KLF1: variants seen among roughly 807,000 people sequenced by gnomAD.
KLF1 encodes the protein Krueppel-like factor 1.
Under a neutral mutation model 28.0 loss-of-function variants are expected in KLF1, and 29 were observed. That is an observed-to-expected ratio of 1.04 (90% CI 0.77 to 1.41). The LOEUF is 1.41. Ranked by LOEUF, KLF1 falls within the 40% of genes most tolerant of loss-of-function variation. The pLI is 0.00. For synonymous variants in KLF1, 262 were observed against 242.6 expected, an observed-to-expected ratio of 1.08 and a Z score of -0.74; for missense variants, 508 against 515.1, an observed-to-expected ratio of 0.99 and a Z score of 0.13.
In KLF1 at chr19:12,886,092, GGGGTCAGGAGGACCC is replaced by G; in HGVS notation, c.123_137del (p.Gly42_Pro46del). On this transcript the variant is annotated inframe_deletion, in exon 2 of 3. Transcript: ENST00000264834. ...ACTTCACGTGGAGGGGCGGCTCCGT[GGGGTCAGGAGGACCC>G]GGGCCCATGTCCTGCGCCTCTTCGG... 6.2e-7 allele frequency: 1 copy of G among 1,607,104 alleles called. No individual in the cohort carries two copies. Among genetic ancestry groups the G allele is most frequent in the Non-Finnish European group, 8.5e-7 (1 of 1,178,312 alleles).
At chr19:12,886,951 A>C in intron 1 of KLF1, 103 bp downstream of exon 1, 1 of 1,171,428 alleles carries the variant, frequency 8.5e-7, no homozygotes, top group Non-Finnish European at 1.3e-6. Context: ...GTCCTGGTTA[A>C]GTCTCTTGAT....
intron 1 of KLF1, 62 bp downstream of exon 1, chr19:12,886,992 G>T: frequency 6.5e-7 from 1 of 1,528,782 alleles, no homozygotes; most frequent in Non-Finnish European, 9.1e-7. Context: ...TGGACCCCAA[G>T]ATCTGTGACT....
At position 12,884,824 on chromosome 19, in the gene KLF1, A is replaced by T; in HGVS notation, c.*61T>A. 1 of 1,583,502 alleles carries T rather than the reference A, an allele frequency of 6.3e-7. No homozygotes were observed. Among genetic ancestry groups the T allele is most frequent in the Non-Finnish European group, 8.6e-7 (1 of 1,156,932 alleles). ...TCACGCGCGTCCGTGTGAAGAGACC[A>T]CCAAACAGGCTTCTTGTCCCATCCC... On this transcript the variant is annotated 3_prime_UTR_variant, in exon 3 of 3. Coordinates refer to ENST00000264834, the MANE Select transcript of KLF1 (RefSeq NM_006563.5).
chr19:12,886,338 G>T (rs1412266552), intron 1 of KLF1, among the ~76,000 whole-genome samples, 196 bp from the exon 2 acceptor site: 10 of 152,148 alleles, frequency 6.6e-5, no homozygotes, highest in Admixed American at 5.2e-4. Flanking sequence ...GACAGAAACC[G>T]ATCAGGTCTG....
chr19:12,887,151 T>C lies in KLF1; in HGVS notation c.-11A>G. Reference sequence around the variant, plus strand: ...CTCGGCTGTGGCCATGGCTGGCTGGTGCCCACCCTGGGCCTCAAGCCTCCT... The same window carrying C: ...CTCGGCTGTGGCCATGGCTGGCTGGCGCCCACCCTGGGCCTCAAGCCTCCT... On this transcript the variant is annotated 5_prime_UTR_variant, in exon 1 of 3. Transcript: ENST00000264834. The surrounding 1 kb of genome is among the most constrained non-coding windows in gnomAD (Gnocchi z 4.7). The C allele has an allele frequency of 6.2e-7, 1 of 1,613,706 alleles. No individual in the cohort carries two copies. The highest frequency in any genetic ancestry group is 1.1e-5 in the South Asian group (1 of 91,062).
chr19:12,885,463 C>G lies in KLF1; in HGVS notation c.767G>C (p.Gly256Ala), dbSNP rs777573355. ...GGATGGCGCGGTCTCGGCTATCACA[C>G]CTGGATCCTCTGCAGTCCCCCCGAG... is the stretch of plus-strand genomic sequence containing the variant. Reference protein sequence around the residue: ...TGLGGTAEDPGVIAETAPSKR... With the variant: ...TGLGGTAEDPAVIAETAPSKR... Residue 256 changes from glycine (G) to alanine (A), a missense_variant, in exon 2 of 3, where the codon GGT becomes GCT. Gly to Ala is a moderately conservative substitution (Grantham distance 60). Coordinates refer to ENST00000264834, the MANE Select transcript of KLF1 (RefSeq NM_006563.5). The surrounding 1 kb of genome is among the most constrained non-coding windows in gnomAD (Gnocchi z 5.6). 1.2e-6 allele frequency: 2 copies of G among 1,604,544 alleles called. No homozygotes were observed. The highest frequency in any genetic ancestry group is 1.7e-6 in the Non-Finnish European group (2 of 1,176,304).
At position 12,884,927 on chromosome 19, in the gene KLF1, C is replaced by T. The variant is rs1317410013; in HGVS notation, c.1047G>A (p.Ser349=). ...TGTGCAAGGCCAGGTGGTCAGAGCGCGAAAAAGCACGTGGGCAGAGCTGGC... is the reference window on the plus strand; with the variant it reads ...TGTGCAAGGCCAGGTGGTCAGAGCGTGAAAAAGCACGTGGGCAGAGCTGGC... ...FRCQLCPRAF[S]RSDHLALHMK... Residue 349 remains serine (S), a synonymous_variant, in exon 3 of 3, where the codon TCG becomes TCA. Coordinates refer to ENST00000264834, the MANE Select transcript of KLF1 (RefSeq NM_006563.5). The T allele has an allele frequency of 6.2e-7, 1 of 1,613,818 alleles. No homozygotes were observed. Among genetic ancestry groups the T allele is most frequent in the African/African-American group, 1.3e-5 (1 of 74,918 alleles).
Position 12,884,813 on chromosome 19 carries a change from G to A in KLF1, c.*72C>T. Reference sequence around the variant, plus strand: ...CCAGCATTGTGTCACGCGCGTCCGTGTGAAGAGACCACCAAACAGGCTTCT... The same window carrying A: ...CCAGCATTGTGTCACGCGCGTCCGTATGAAGAGACCACCAAACAGGCTTCT... On this transcript the variant is annotated 3_prime_UTR_variant, in exon 3 of 3. Transcript: ENST00000264834. The A allele has an allele frequency of 6.5e-7, 1 of 1,540,488 alleles. No individual in the cohort carries two copies. Among genetic ancestry groups the A allele is most frequent in the South Asian group, 1.1e-5 (1 of 89,676 alleles).
At chr19:12,886,194 C>T in intron 1 of KLF1, 52 bp from the exon 2 acceptor site, 1 of 1,383,746 alleles carries the variant, frequency 7.2e-7, no homozygotes, top group Non-Finnish European at 1.0e-6. Flanking sequence ...GGGTGCCCTG[C>T]CCAGGGACAT....
chr19:12,885,861 C>T lies in KLF1; in HGVS notation c.369G>A (p.Val123=). The part of the protein sequence containing the change: ...LGAYAGGPGL[V]AGLLGSEDHS... Reference sequence around the variant, plus strand: ...GATCCTCCGAACCCAAAAGCCCAGCCACCAGCCCCGGGCCGCCAGCATATG... The same window carrying T: ...GATCCTCCGAACCCAAAAGCCCAGCTACCAGCCCCGGGCCGCCAGCATATG... Residue 123 remains valine (V), a synonymous_variant, in exon 2 of 3, where the codon GTG becomes GTA. Coordinates refer to ENST00000264834, the MANE Select transcript of KLF1 (RefSeq NM_006563.5). This position sits in a 1 kb window ranked among gnomAD's most constrained non-coding sequence, Gnocchi z 5.6. The T allele has an allele frequency of 6.4e-7, 1 of 1,552,086 alleles. No individual in the cohort carries two copies. The highest frequency in any genetic ancestry group is 2.4e-5 in the East Asian group (1 of 40,952).
chr19:12,884,779 G>T lies in KLF1; in HGVS notation c.*106C>A. 1 of 1,318,964 alleles carries T rather than the reference G, an allele frequency of 7.6e-7. No individual in the cohort carries two copies. The highest frequency in any genetic ancestry group is 1.4e-5 in the African/African-American group (1 of 69,236). 81.7% of individuals were successfully genotyped at this position (1,318,964 alleles called of 1,614,324 possible). ...AGTCCAGGAGAGGGTCCATTCGTGG[G>T]AAAACCACCCAGCATTGTGTCACGC... On this transcript the variant is annotated 3_prime_UTR_variant, in exon 3 of 3. Transcript: ENST00000264834.
intron 1 of KLF1, 108 bp from the exon 2 acceptor site, chr19:12,886,250 T>C: frequency 1.3e-6 from 1 of 765,970 alleles, no homozygotes; most frequent in South Asian, 1.8e-5. Context: ...AGGGGTCTTG[T>C]TTGCCTGTCT....
chr19:12,885,104 T>G lies in KLF1; in HGVS notation c.914-44A>C. 1 of 1,593,102 alleles carries G rather than the reference T, an allele frequency of 6.3e-7. No individual in the cohort carries two copies. Among genetic ancestry groups the G allele is most frequent in the Non-Finnish European group, 8.5e-7 (1 of 1,174,234 alleles). On this transcript the variant is annotated intron_variant, in intron 2 of 2. Transcript: ENST00000264834. The surrounding 1 kb of genome is among the most constrained non-coding windows in gnomAD (Gnocchi z 5.6). ...ATAAGCGCCACTGTCTGCCCAGTCATGTCCCCGGGTCCCCTGCATCTGGCC... is the reference window on the plus strand; with the variant it reads ...ATAAGCGCCACTGTCTGCCCAGTCAGGTCCCCGGGTCCCCTGCATCTGGCC...
chr19:12,885,508 G>T lies in KLF1; in HGVS notation c.722C>A (p.Pro241His), dbSNP rs1039605411. Residue 241 changes from proline (P) to histidine (H), a missense_variant, in exon 2 of 3, where the codon CCC becomes CAC. By Grantham distance (77) the Pro-to-His change is moderately conservative. Transcript: ENST00000264834. This position sits in a 1 kb window ranked among gnomAD's most constrained non-coding sequence, Gnocchi z 5.6. ...TSPSFLSCLG[P>H]GTVGTGLGGT... ...CCCGAGTCCAGTGCCCACCGTCCCGGGTCCCAAACAACTCAGGAAGGAGGG... is the reference window on the plus strand; with the variant it reads ...CCCGAGTCCAGTGCCCACCGTCCCGTGTCCCAAACAACTCAGGAAGGAGGG... The T allele has an allele frequency of 6.3e-7, 1 of 1,595,830 alleles. No homozygotes were observed.
chr19:12,885,725 C>A lies in KLF1; in HGVS notation c.505G>T (p.Val169Leu). Residue 169 changes from valine to leucine, a missense_variant, in exon 2 of 3, where the codon GTG becomes TTG. Physicochemically the swap from Val to Leu is conservative, Grantham distance 32. Transcript: ENST00000264834. This position sits in a 1 kb window ranked among gnomAD's most constrained non-coding sequence, Gnocchi z 5.6. ...GAGCCGGCGCCGGGCCCCGGGTACA[C>A]CGGTTGCAGCGCCAGCGCCTTGGGC... ...PEPKALALQP[V>L]YPGPGAGSSG... 1 of 1,512,968 alleles carries A rather than the reference C, an allele frequency of 6.6e-7. No homozygotes were observed. The highest frequency in any genetic ancestry group is 8.8e-7 in the Non-Finnish European group (1 of 1,131,648). 93.7% of individuals were successfully genotyped at this position (1,512,968 alleles called of 1,614,324 possible).
chr19:12,886,313 C>T lies in KLF1; in HGVS notation c.88-171G>A, dbSNP rs374812634. Among the ~76,000 whole-genome samples the T allele has an allele frequency of 4.6e-5, 7 of 152,284 alleles. No homozygotes were observed. The South Asian group carries it at 6.2e-4, about 14-fold the overall frequency. The stretch of plus-strand genomic sequence containing the variant: ...CTCTAACCGCCCCTCTCCCCGCTCC[C>T]CCCCCAGCTCCAGGGACAGAAACCG... On this transcript the variant is annotated intron_variant, in intron 1 of 2. Coordinates refer to ENST00000264834, the MANE Select transcript of KLF1 (RefSeq NM_006563.5).
rs756253580 is a variant in KLF1 at position 12,887,048 on chromosome 19, C to T, written c.87+6G>A. ...GCCCACCTAGACCCCACCTTCTAGGCCCCACCTTGAGGAAGTCATCCTGTG... is the reference window on the plus strand; with the variant it reads ...GCCCACCTAGACCCCACCTTCTAGGTCCCACCTTGAGGAAGTCATCCTGTG... On this transcript the variant is annotated splice_donor_region_variant and intron_variant, in intron 1 of 2. Coordinates refer to ENST00000264834, the MANE Select transcript of KLF1 (RefSeq NM_006563.5). This position sits in a 1 kb window ranked among gnomAD's most constrained non-coding sequence, Gnocchi z 4.7. 3 of 1,614,028 alleles carry T rather than the reference C, an allele frequency of 1.9e-6. No homozygotes were observed. In the East Asian group the frequency reaches 6.7e-5, roughly 36 times the overall value.
At position 12,885,239 on chromosome 19, in the gene KLF1, G is replaced by A; in HGVS notation, c.913+78C>T. ...CAGAGGCCAGCCAAGTCCAAGTCCCGCCCTCTGCAACCCTTCTTCCCCTGT... is the reference window on the plus strand; with the variant it reads ...CAGAGGCCAGCCAAGTCCAAGTCCCACCCTCTGCAACCCTTCTTCCCCTGT... On this transcript the variant is annotated intron_variant, in intron 2 of 2. Transcript: ENST00000264834. This position sits in a 1 kb window ranked among gnomAD's most constrained non-coding sequence, Gnocchi z 5.6. 2 of 1,412,464 alleles carry A rather than the reference G, an allele frequency of 1.4e-6. No individual in the cohort carries two copies. The highest frequency in any genetic ancestry group is 2.5e-5 in the East Asian group (1 of 40,136). 87.5% of individuals were successfully genotyped at this position (1,412,464 alleles called of 1,614,324 possible).
rs1284640048 is a variant in KLF1 at position 12,885,433 on chromosome 19, C to G, written c.797G>C (p.Arg266Pro). ...CTTGCGCGCCCACGAACGTCGGCCT[C>G]GCTTGGATGGCGCGGTCTCGGCTAT... ...GVIAETAPSK[R>P]GRRSWARKRQ... The change falls in exon 2 of 3, where the codon CGA becomes CCA. Residue 266 changes from arginine to proline, a missense_variant. By Grantham distance (103) the Arg-to-Pro change is moderately radical (BLOSUM62 -2). Transcript: ENST00000264834. This position sits in a 1 kb window ranked among gnomAD's most constrained non-coding sequence, Gnocchi z 5.6. 6.2e-7 allele frequency: 1 copy of G among 1,605,684 alleles called. No homozygotes were observed. The highest frequency in any genetic ancestry group is 8.5e-7 in the Non-Finnish European group (1 of 1,176,706).
Sources: allele counts gnomAD v4.1 joint callset (sites outside exome capture counted in the v4.1 genomes callset), GRCh38; gene constraint gnomAD v4.1.1; non-coding constraint Gnocchi (gnomAD v3.1); transcripts MANE v1.5; gene names NCBI Gene and HGNC (gene_info 2026-07-23, HGNC 2026-07-21).